Variants in SND1 observed in about 807,000 individuals in gnomAD.
SND1 encodes staphylococcal nuclease domain-containing protein 1.
Under a neutral mutation model 121.7 loss-of-function variants are expected in SND1, and 38 were observed. The observed-to-expected ratio is 0.31, with a 90% CI of 0.24 to 0.41. The LOEUF is 0.41. Among genes scored for constraint, SND1 ranks in the 10% least tolerant of loss-of-function variants. SND1 has a pLI of 1.00. For synonymous variants in SND1, 401 were observed against 447.4 expected (o/e 0.90, Z 1.31); for missense variants, 868 against 1,184.6 (o/e 0.73, Z 3.92).
intron 10 of SND1, among the ~76,000 whole-genome samples, chr7:127,736,095 C>T (rs1224667014): frequency 6.6e-6 from 1 of 152,122 alleles, no homozygotes; most frequent in Non-Finnish European, 1.5e-5. Flanking sequence ...CTGAGAGTAC[C>T]TGCTTCTAAA....
chr7:127,884,311 C>G (rs1036080914), intron 12 of SND1, among the ~76,000 whole-genome samples: 2 of 152,084 alleles, frequency 1.3e-5, no homozygotes, highest in African/African-American at 4.8e-5. Flanking sequence ...ATTTCTAAAT[C>G]TATCTATATC....
At chr7:127,730,592 T>C (rs781203520) in intron 10 of SND1, among the ~76,000 whole-genome samples, 3 of 152,270 alleles carry the variant, frequency 2.0e-5, no homozygotes, top group Non-Finnish European at 2.9e-5. Context: ...GTCCTGCTGG[T>C]TCTGGATAGC....
intron 11 of SND1, among the ~76,000 whole-genome samples, chr7:127,837,559 T>C (rs1035084460): frequency 1.3e-5 from 2 of 152,240 alleles, no homozygotes; most frequent in African/African-American, 4.8e-5. Context: ...TCTTGAGAGA[T>C]GAGCAGTTCC....
At chr7:128,032,823 T>G (rs369717092) in intron 16 of SND1, among the ~76,000 whole-genome samples, 4 of 152,100 alleles carry the variant, frequency 2.6e-5, no homozygotes, top group South Asian at 2.1e-4. Context: ...CCTCCTGTGC[T>G]CTCACTGGGG....
At position 127,844,453 on chromosome 7, in the gene SND1, C is replaced by G. The variant is rs184384974; in HGVS notation, c.1343+29C>G. Reference sequence around the variant, plus strand: ...AGTGTTCTGGCTGGCATGGACTCAGCTGTCATCTCAAGTAGCTAAGAGTTC... The same window carrying G: ...AGTGTTCTGGCTGGCATGGACTCAGGTGTCATCTCAAGTAGCTAAGAGTTC... On this transcript the variant is annotated intron_variant, in intron 12 of 23. Coordinates refer to ENST00000354725, the MANE Select transcript of SND1 (RefSeq NM_014390.4). The G allele has an allele frequency of 1.6e-5, 25 of 1,554,328 alleles. No individual in the cohort carries two copies. The Admixed American group carries it at 4.1e-4, about 26-fold the overall frequency.
At chr7:128,044,156 G>A (rs1414637671) in intron 16 of SND1, among the ~76,000 whole-genome samples, 1 of 152,204 alleles carries the variant, frequency 6.6e-6, no homozygotes, top group Non-Finnish European at 1.5e-5. Context: ...GTTTCCATTT[G>A]GCTGAACGAG....
chr7:127,767,610 T>C (rs1797444560), intron 10 of SND1, among the ~76,000 whole-genome samples: 1 of 152,250 alleles, frequency 6.6e-6, no homozygotes, highest in South Asian at 2.1e-4. Flanking sequence ...ACTCTGCTAA[T>C]GAGGTTCTAA....
chr7:127,701,370 C>T (rs771576507), intron 5 of SND1, 47 bp downstream of exon 5: 3 of 1,572,822 alleles, frequency 1.9e-6, no homozygotes, highest in East Asian at 2.3e-5. Flanking sequence ...TGATTTCTTT[C>T]TGTTTGCACT....
At chr7:127,803,811 A>G (rs999484821) in intron 10 of SND1, among the ~76,000 whole-genome samples, 27 of 152,188 alleles carry the variant, frequency 1.8e-4, no homozygotes, top group Non-Finnish European at 2.1e-4. Context: ...GTATCTTCAG[A>G]TGCTGAGATG....
chr7:127,660,133 G>A (rs1795283441), intron 1 of SND1, among the ~76,000 whole-genome samples: 1 of 151,994 alleles, frequency 6.6e-6, no homozygotes, highest in Non-Finnish European at 1.5e-5. Flanking sequence ...TGGAGAGAGG[G>A]TAGATAGAAG....
At chr7:128,010,247 G>A (rs552501267) in intron 16 of SND1, among the ~76,000 whole-genome samples, 1 of 152,252 alleles carries the variant, frequency 6.6e-6, no homozygotes, top group African/African-American at 2.4e-5. Context: ...ACAGTATAGT[G>A]GAACAAAGCA....
intron 12 of SND1, among the ~76,000 whole-genome samples, chr7:127,847,752 G>C (rs905850875): frequency 2.6e-5 from 4 of 152,202 alleles, no homozygotes; most frequent in South Asian, 2.1e-4. Flanking sequence ...CCCGAAGTGC[G>C]TAGATGCCAA....
intron 11 of SND1, among the ~76,000 whole-genome samples, chr7:127,842,203 G>C (rs1394098812): frequency 6.6e-6 from 1 of 152,164 alleles, no homozygotes; most frequent in Non-Finnish European, 1.5e-5. Flanking sequence ...GCTGATCAGT[G>C]AGAGCTGAAG....
Position 128,056,106 on chromosome 7 carries a change from G to A in SND1, c.1780-18396G>A, listed in dbSNP as rs894879105. ...TTATAAGGATTAAGTAAAACAACAT[G>A]CATGTCTTTGTGAACTTAATTCAGT... On this transcript the variant is annotated intron_variant, in intron 16 of 23. Coordinates refer to ENST00000354725, the MANE Select transcript of SND1 (RefSeq NM_014390.4). Among the ~76,000 whole-genome samples, 11 of 152,194 alleles carry A rather than the reference G, an allele frequency of 7.2e-5. 1 individual carries two copies. The highest frequency in any genetic ancestry group is 1.9e-4 in the African/African-American group (8 of 41,452).
intron 1 of SND1, among the ~76,000 whole-genome samples, chr7:127,682,473 C>T (rs1795744858): frequency 6.6e-6 from 1 of 152,192 alleles, no homozygotes; most frequent in Non-Finnish European, 1.5e-5. Context: ...CCTGCTGTAT[C>T]AGGTAGTTCT....
At chr7:128,054,299 C>T (rs921005216) in intron 16 of SND1, among the ~76,000 whole-genome samples, 4 of 152,244 alleles carry the variant, frequency 2.6e-5, no homozygotes, top group Admixed American at 2.0e-4. Flanking sequence ...AAAAGAGTCC[C>T]ACCCAGTGGT....
At chr7:127,833,819 T>G (rs745852791) in intron 11 of SND1, among the ~76,000 whole-genome samples, 7 of 152,168 alleles carry the variant, frequency 4.6e-5, no homozygotes, top group Non-Finnish European at 7.4e-5. Flanking sequence ...CCCCAGAACT[T>G]TTTCTTTCCT....
chr7:127,696,713 G>C (rs546946330), intron 3 of SND1, among the ~76,000 whole-genome samples: 1 of 152,132 alleles, frequency 6.6e-6, no homozygotes, highest in East Asian at 1.9e-4. Context: ...TGGCCAAATT[G>C]TTTATTTTAA....
At position 127,654,488 on chromosome 7, in the gene SND1, G is replaced by T. The variant is rs552745918; in HGVS notation, c.78+2037G>T. Reference sequence around the variant, plus strand: ...ATGTCTCTGACTTCATGACTCCAGGGTATTAATTTATAACATGGAGGGTGG... The same window carrying T: ...ATGTCTCTGACTTCATGACTCCAGGTTATTAATTTATAACATGGAGGGTGG... On this transcript the variant is annotated intron_variant, in intron 1 of 23. Coordinates refer to ENST00000354725, the MANE Select transcript of SND1 (RefSeq NM_014390.4). Among the ~76,000 whole-genome samples the T allele has an allele frequency of 9.9e-5, 15 of 152,246 alleles. No individual in the cohort carries two copies. In the South Asian group the frequency reaches 3.1e-3, roughly 32 times the overall value.
Sources: allele counts gnomAD v4.1 joint callset (sites outside exome capture counted in the v4.1 genomes callset), GRCh38; gene constraint gnomAD v4.1.1; transcripts MANE v1.5; gene names NCBI Gene and HGNC (gene_info 2026-07-23, HGNC 2026-07-21).